The following PCDH15 variants were observed in gnomAD, a reference collection of about 807,000 sequenced individuals.
PCDH15 encodes the protein protocadherin related 15, also known as protocadherin-15.
In PCDH15, 129 loss-of-function variants were observed where a neutral mutation model predicts 178.5. That is an observed-to-expected ratio of 0.72 (90% confidence interval 0.63 to 0.84). The LOEUF is 0.84. Ranked by LOEUF, PCDH15 falls within the 40% of genes least tolerant of loss-of-function variation. The probability of loss-of-function intolerance (pLI) is 0.00; values close to 1 mark genes in which losing one functional copy is unlikely to be tolerated. For missense variants in PCDH15, 2,230 were observed against 2,099.9 expected (o/e 1.06, Z -1.21); for synonymous variants, 800 against 732.0 (o/e 1.09, Z -1.50).
chr10:53,918,740 ACACACACACACACACACACACACACG>A (rs1198309290), intron 25 of PCDH15, among the ~76,000 whole-genome samples: 20 of 40,174 alleles, frequency 5.0e-4, no homozygotes, highest in East Asian at 1.4e-3. Context: ...ACACACACAC[ACACACACACACACACACACACACACG>A]GATACCACCA....
intron 2 of PCDH15, among the ~76,000 whole-genome samples, chr10:55,527,606 A>G (rs1399151973): frequency 6.6e-6 from 1 of 151,986 alleles, no homozygotes; most frequent in African/African-American, 2.4e-5. Flanking sequence ...ACCAATAATA[A>G]TATGAAAGTA....
intron 14 of PCDH15, among the ~76,000 whole-genome samples, chr10:54,150,719 C>A (rs181187915): frequency 2.6e-5 from 4 of 151,898 alleles, no homozygotes; most frequent in Admixed American, 2.0e-4. Context: ...GTTTATAATA[C>A]ATTCATGTCT....
chr10:55,357,512 A>T (rs1168560517), intron 2 of PCDH15, among the ~76,000 whole-genome samples: 1 of 151,942 alleles, frequency 6.6e-6, no homozygotes, highest in Non-Finnish European at 1.5e-5. Flanking sequence ...TTATTTATTA[A>T]TTATCTTATT....
chr10:54,877,916 T>C lies in PCDH15; in HGVS notation c.-29+19534A>G, dbSNP rs180998510. On this transcript the variant is annotated intron_variant, in intron 3 of 5. Transcript: ENST00000458638. ...ATGAAATAAGATTTAGAAATTCTCT[T>C]ATTCTCTTTCTCTCTCTCTCTCTTT... is the stretch of plus-strand genomic sequence containing the variant. 3.6e-3 allele frequency among the ~76,000 whole-genome samples: 537 copies of C among 148,002 alleles called. 3 individuals carry two copies. The highest frequency in any genetic ancestry group is 0.013 in the African/African-American group (519 of 40,436).
chr10:55,235,732 C>T (rs745721737), intron 1 of PCDH15, among the ~76,000 whole-genome samples: 1 of 151,776 alleles, frequency 6.6e-6, no homozygotes, highest in Non-Finnish European at 1.5e-5. Context: ...TATGGTGAAA[C>T]CCTGTCTCTA....
intron 1 of PCDH15, among the ~76,000 whole-genome samples, chr10:54,689,070 G>A (rs1183468136): frequency 1.3e-5 from 2 of 151,862 alleles, no homozygotes; most frequent in East Asian, 1.9e-4. Flanking sequence ...TCTCAGTAAC[G>A]TTTCCAAAAT....
intron 2 of PCDH15, among the ~76,000 whole-genome samples, chr10:55,106,029 G>T (rs1235856852): frequency 1.4e-5 from 2 of 144,104 alleles, no homozygotes; most frequent in African/African-American, 2.5e-5. Flanking sequence ...TGTATTATAA[G>T]TTTTTTTTTT....
chr10:54,593,090 A>G (rs528473487), intron 2 of PCDH15, among the ~76,000 whole-genome samples: 1 of 152,228 alleles, frequency 6.6e-6, no homozygotes, highest in South Asian at 2.1e-4. Flanking sequence ...ACCTTTTATC[A>G]GATATACAGT....
chr10:55,066,609 A>G (rs1841570195), intron 2 of PCDH15, among the ~76,000 whole-genome samples: 2 of 149,372 alleles, frequency 1.3e-5, no homozygotes, highest in Admixed American at 6.7e-5. Context: ...TAAGATCTGT[A>G]AGTGAATGCA....
intron 2 of PCDH15, chr10:55,599,720 G>C (rs761636877): frequency 1.9e-4 from 77 of 396,004 alleles, no homozygotes; most frequent in Non-Finnish European, 2.7e-4. Context: ...TCTAAGGAAA[G>C]ATTACAAAAA....
intron 8 of PCDH15, among the ~76,000 whole-genome samples, chr10:54,296,387 G>T (rs1591648192): frequency 6.6e-6 from 1 of 151,818 alleles, no homozygotes; most frequent in Non-Finnish European, 1.5e-5. Context: ...AGGCTGAGCG[G>T]AACTCTCAAA....
At chr10:54,598,358 A>G (rs2092345235) in intron 2 of PCDH15, among the ~76,000 whole-genome samples, 1 of 152,180 alleles carries the variant, frequency 6.6e-6, no homozygotes, top group Non-Finnish European at 1.5e-5. Flanking sequence ...AAATAAAGAG[A>G]ACTAAAGACA....
chr10:54,388,201 TTTCTCTG>T (rs1638466472), intron 3 of PCDH15, among the ~76,000 whole-genome samples: 1 of 152,188 alleles, frequency 6.6e-6, no homozygotes, highest in Non-Finnish European at 1.5e-5. Context: ...TGGAAAGTCT[TTTCTCTG>T]TTCAAACGTT....
At chr10:55,482,608 T>G (rs1330013404) in intron 2 of PCDH15, among the ~76,000 whole-genome samples, 1 of 151,820 alleles carries the variant, frequency 6.6e-6, no homozygotes, top group Non-Finnish European at 1.5e-5. Context: ...AGTTCTGGAT[T>G]GGAATTTTTT....
At chr10:53,845,499 G>A (rs552126857) in intron 28 of PCDH15, among the ~76,000 whole-genome samples, 1 of 151,820 alleles carries the variant, frequency 6.6e-6, no homozygotes, top group African/African-American at 2.4e-5. Context: ...CAGATGAGTG[G>A]ATAAAGCAAA....
intron 2 of PCDH15, chr10:54,608,077 A>G: frequency 2.4e-6 from 1 of 417,398 alleles, no homozygotes; most frequent in Non-Finnish European, 4.6e-6. Flanking sequence ...TGACAAATAC[A>G]GTAAAAGTGA....
intron 2 of PCDH15, among the ~76,000 whole-genome samples, chr10:55,102,406 C>T (rs965235304): frequency 6.6e-6 from 1 of 151,988 alleles, no homozygotes; most frequent in African/African-American, 2.4e-5. Context: ...ATGGATAGTA[C>T]TGAGCCCTAT....
At chr10:54,716,868 G>A (rs1362297890) in intron 1 of PCDH15, among the ~76,000 whole-genome samples, 2 of 148,118 alleles carry the variant, frequency 1.4e-5, no homozygotes, top group Non-Finnish European at 3.0e-5. Context: ...TATACTACAA[G>A]GCTACAGTAA....
intron 2 of PCDH15, among the ~76,000 whole-genome samples, chr10:54,978,239 T>C (rs1839125776): frequency 6.6e-6 from 1 of 152,120 alleles, no homozygotes; most frequent in South Asian, 2.1e-4. Flanking sequence ...ACCTCAATTA[T>C]ATAAGTACAC....
Sources: allele counts gnomAD v4.1 joint callset (sites outside exome capture counted in the v4.1 genomes callset), GRCh38; gene constraint gnomAD v4.1.1; transcripts MANE v1.5; gene names NCBI Gene and HGNC (gene_info 2026-07-23, HGNC 2026-07-21).